The following ATG5 variants were observed in gnomAD, a reference collection of about 807,000 sequenced individuals.
The protein encoded by ATG5 is autophagy protein 5.
A neutral mutation model predicts 36.5 loss-of-function variants in ATG5; 14 were observed. The ratio of observed to expected loss-of-function variants is 0.38; its 90% CI spans 0.25 to 0.60. The LOEUF (loss-of-function observed/expected upper bound fraction) is 0.60, where lower values mean the gene tolerates loss of function less well. ATG5 is among the 20% of genes least tolerant of loss of function. The pLI is 0.60. For synonymous variants in ATG5, 95 were observed against 101.5 expected (o/e 0.94, Z 0.38); for missense variants, 195 against 326.7 (o/e 0.60, Z 3.11).
chr6:106,233,245 T>A (rs1238644336), intron 6 of ATG5, among the ~76,000 whole-genome samples: 1 of 152,134 alleles, frequency 6.6e-6, no homozygotes, highest in Non-Finnish European at 1.5e-5. Context: ...CTTATCCTCA[T>A]CCCAAAACCC....
chr6:106,266,786 A>G (rs1036544893), intron 5 of ATG5, among the ~76,000 whole-genome samples: 4 of 152,184 alleles, frequency 2.6e-5, no homozygotes, highest in Admixed American at 2.6e-4. Flanking sequence ...AAAAGGCCTT[A>G]GGTAAAATTC....
At chr6:106,258,072 A>G (rs1480613783) in intron 5 of ATG5, among the ~76,000 whole-genome samples, 1 of 152,212 alleles carries the variant, frequency 6.6e-6, no homozygotes, top group Non-Finnish European at 1.5e-5. Flanking sequence ...ACAATTTCTA[A>G]TAAGTCTGAT....
intron 6 of ATG5, among the ~76,000 whole-genome samples, chr6:106,206,550 T>A (rs2114374254): frequency 6.6e-6 from 1 of 151,470 alleles, no homozygotes; most frequent in East Asian, 1.9e-4. Flanking sequence ...CTCAGGAGGC[T>A]GAGGCAGGAG....
chr6:106,322,788 T>A (rs1422358286), intron 1 of ATG5, among the ~76,000 whole-genome samples: 2 of 152,222 alleles, frequency 1.3e-5, no homozygotes, highest in Non-Finnish European at 2.9e-5. Flanking sequence ...CACAGTTTTA[T>A]CTTCTGTCCA....
intron 7 of ATG5, among the ~76,000 whole-genome samples, chr6:106,200,375 T>C (rs1776373089): frequency 6.6e-6 from 1 of 152,200 alleles, no homozygotes. Flanking sequence ...GCATTATCTG[T>C]TAAAGTATTA....
chr6:106,247,989 G>C (rs1778413968), intron 6 of ATG5, among the ~76,000 whole-genome samples, 161 bp downstream of exon 6: 1 of 152,210 alleles, frequency 6.6e-6, no homozygotes, highest in South Asian at 2.1e-4. Context: ...AAATATTTCA[G>C]TGCGGTATCT....
At chr6:106,242,295 T>C (rs576290171) in intron 6 of ATG5, among the ~76,000 whole-genome samples, 1 of 152,186 alleles carries the variant, frequency 6.6e-6, no homozygotes, top group East Asian at 1.9e-4. Flanking sequence ...AAGGACATTC[T>C]GACACATAAT....
chr6:106,320,631 A>C (rs1487660093), intron 1 of ATG5, among the ~76,000 whole-genome samples: 1 of 152,002 alleles, frequency 6.6e-6, no homozygotes, highest in East Asian at 1.9e-4. Flanking sequence ...TTCTGAAAAA[A>C]AAAAAAATCC....
chr6:106,216,983 T>TG (rs1281069319), intron 6 of ATG5, among the ~76,000 whole-genome samples: 1 of 152,024 alleles, frequency 6.6e-6, no homozygotes, highest in African/African-American at 2.4e-5. Flanking sequence ...AGTTATCATA[T>TG]GGGTGGCAGG....
At chr6:106,211,790 T>C (rs1334171480) in intron 6 of ATG5, among the ~76,000 whole-genome samples, 4 of 152,354 alleles carry the variant, frequency 2.6e-5, no homozygotes, top group African/African-American at 7.2e-5. Flanking sequence ...CATTCTAGTC[T>C]TCTTGGTTGA....
rs535175275 is a variant in ATG5, at chr6:106,230,283, C to T, written c.573+17867G>A. Reference sequence around the variant, plus strand: ...ATCCTGACTCAAAAGCTTACTTATACCCTCTCTGAAACGAATTTGCCTAAG... The same window carrying T: ...ATCCTGACTCAAAAGCTTACTTATATCCTCTCTGAAACGAATTTGCCTAAG... On this transcript the variant is annotated intron_variant, in intron 6 of 7. Coordinates refer to ENST00000369076, the MANE Select transcript of ATG5 (RefSeq NM_004849.4). 7.9e-5 allele frequency among the ~76,000 whole-genome samples: 12 copies of T among 152,332 alleles called. No individual in the cohort carries two copies. The South Asian group carries it at 2.5e-3, about 32-fold the overall frequency.
chr6:106,308,615 CAA>C (rs1770536735), intron 2 of ATG5, 124 bp from the exon 3 acceptor site: 1 of 707,830 alleles, frequency 1.4e-6, no homozygotes, highest in Non-Finnish European at 2.1e-6. Flanking sequence ...ATATCCCACA[CAA>C]AGTCTACTGC....
intron 3 of ATG5, among the ~76,000 whole-genome samples, chr6:106,296,654 C>T (rs1769953168): frequency 6.6e-6 from 1 of 152,048 alleles, no homozygotes; most frequent in Non-Finnish European, 1.5e-5. Flanking sequence ...CCCATCTCTA[C>T]TAACAATACA....
intron 1 of ATG5, among the ~76,000 whole-genome samples, chr6:106,321,648 G>A (rs12203883): frequency 0.046 from 7,034 of 152,192 alleles, 212 homozygotes; most frequent in Non-Finnish European, 0.076. Flanking sequence ...GTGAGCCACC[G>A]CGCCTGGCCA....
intron 2 of ATG5, 143 bp downstream of exon 2, chr6:106,315,958 T>C: frequency 4.8e-6 from 3 of 626,688 alleles, no homozygotes; most frequent in Non-Finnish European, 8.3e-6. Flanking sequence ...TTCTTTATGC[T>C]TATCTGTGTT....
At chr6:106,324,933 G>A (rs1478952456) in intron 1 of ATG5, among the ~76,000 whole-genome samples, 2 of 152,142 alleles carry the variant, frequency 1.3e-5, no homozygotes, top group Non-Finnish European at 2.9e-5. Context: ...TAAGTCTCCG[G>A]GTTCTGATTG....
At chr6:106,205,332 CTT>C (rs569492841) in intron 6 of ATG5, among the ~76,000 whole-genome samples, 94 of 152,310 alleles carry the variant, frequency 6.2e-4, no homozygotes, top group African/African-American at 2.2e-3. Flanking sequence ...TCAAAGGAAT[CTT>C]TTCAAGAATT....
At chr6:106,199,854 C>T (rs1437223961) in intron 7 of ATG5, among the ~76,000 whole-genome samples, 1 of 151,894 alleles carries the variant, frequency 6.6e-6, no homozygotes, top group Admixed American at 6.6e-5. Context: ...AAACATTTAC[C>T]CTAGCACTAG....
intron 1 of ATG5, among the ~76,000 whole-genome samples, chr6:106,320,031 CA>C (rs1771002540): frequency 6.6e-6 from 1 of 152,238 alleles, no homozygotes; most frequent in Non-Finnish European, 1.5e-5. Flanking sequence ...ATGTGATACA[CA>C]CAAGCCTATA....
Sources: gnomAD v4.1 joint callset for allele counts (sites outside exome capture counted in the v4.1 genomes callset) on GRCh38, gnomAD v4.1.1 for gene constraint, MANE v1.5 for transcripts, NCBI Gene and HGNC (gene_info 2026-07-23, HGNC 2026-07-21) for gene names.